NBEA: variants seen among roughly 807,000 people sequenced by gnomAD.
NBEA encodes lysosomal-trafficking regulator 2.
NBEA carries 44 observed loss-of-function variants against 343.4 expected under a neutral mutation model. The ratio of observed to expected loss-of-function variants is 0.13; its 90% confidence interval spans 0.10 to 0.16. The LOEUF (loss-of-function observed/expected upper bound fraction) is 0.16. NBEA is among the 10% of genes least tolerant of loss of function. The probability of loss-of-function intolerance (pLI) is 1.00; values close to 1 mark genes in which losing one functional copy is unlikely to be tolerated. For synonymous variants in NBEA, 1,175 were observed against 1,238.7 expected, an observed-to-expected ratio of 0.95 and a Z score of 1.08; for missense variants, 2,555 against 3,631.3, an observed-to-expected ratio of 0.70 and a Z score of 7.62.
chr13:35,406,526 C>T (rs1452126629), intron 38 of NBEA, among the ~76,000 whole-genome samples: 1 of 152,138 alleles, frequency 6.6e-6, no homozygotes, highest in East Asian at 1.9e-4. Context: ...CATAGCTCGT[C>T]TCCCACTTAC....
chr13:35,276,310 G>T (rs2034585906), intron 34 of NBEA, among the ~76,000 whole-genome samples: 1 of 151,860 alleles, frequency 6.6e-6, no homozygotes, highest in Non-Finnish European at 1.5e-5. Flanking sequence ...CAAAAAAAAA[G>T]AGGCTATGTT....
chr13:35,668,681 T>C (rs2153088733), intron 58 of NBEA, among the ~76,000 whole-genome samples, 162 bp downstream of exon 58: 1 of 151,850 alleles, frequency 6.6e-6, no homozygotes, highest in East Asian at 1.9e-4. Flanking sequence ...AGGATTCTAG[T>C]GAGAGGGAAA....
intron 34 of NBEA, among the ~76,000 whole-genome samples, chr13:35,286,532 T>TTC (rs2035436317): frequency 6.6e-6 from 1 of 152,112 alleles, no homozygotes; most frequent in South Asian, 2.1e-4. Context: ...GATGGAATTT[T>TTC]TCAACGGTAT....
chr13:35,127,238 G>A (rs1269751013), intron 17 of NBEA, among the ~76,000 whole-genome samples: 6 of 152,092 alleles, frequency 3.9e-5, no homozygotes, highest in Non-Finnish European at 8.8e-5. Context: ...ATAATTAAAT[G>A]AAGAAAGTGG....
At chr13:35,418,707 CT>C (rs1287022104) in intron 38 of NBEA, among the ~76,000 whole-genome samples, 15 of 151,852 alleles carry the variant, frequency 9.9e-5, no homozygotes, top group African/African-American at 3.6e-4. Flanking sequence ...GAACATAAGC[CT>C]TTTTTGAACA....
At chr13:35,376,656 A>G (rs2041757986) in intron 38 of NBEA, among the ~76,000 whole-genome samples, 1 of 152,250 alleles carries the variant, frequency 6.6e-6, no homozygotes, top group East Asian at 1.9e-4. Flanking sequence ...CCGGAGTCTT[A>G]GGGTGAAACT....
At chr13:35,411,473 T>C (rs1398328772) in intron 38 of NBEA, among the ~76,000 whole-genome samples, 1 of 151,934 alleles carries the variant, frequency 6.6e-6, no homozygotes, top group African/African-American at 2.4e-5. Flanking sequence ...TTTTTTTTTT[T>C]TGAGACAGAG....
At chr13:35,287,367 T>G (rs2035497194) in intron 34 of NBEA, among the ~76,000 whole-genome samples, 1 of 152,086 alleles carries the variant, frequency 6.6e-6, no homozygotes, top group Admixed American at 6.6e-5. Context: ...AGAATAGGAA[T>G]GCTATAAACA....
chr13:35,218,501 C>G (rs2074188679), intron 33 of NBEA, among the ~76,000 whole-genome samples: 1 of 151,880 alleles, frequency 6.6e-6, no homozygotes, highest in Non-Finnish European at 1.5e-5. Flanking sequence ...ATTTCTTTTT[C>G]TGAACTTACA....
intron 11 of NBEA, among the ~76,000 whole-genome samples, chr13:35,099,200 T>TG (rs2065500744): frequency 7.1e-6 from 1 of 140,986 alleles, no homozygotes; most frequent in African/African-American, 2.5e-5. Context: ...TGGCTAAAGT[T>TG]TTTTTTTTTT....
chr13:35,636,442 AT>A (rs1458655141), intron 49 of NBEA, among the ~76,000 whole-genome samples: 7 of 152,176 alleles, frequency 4.6e-5, no homozygotes, highest in Non-Finnish European at 1.0e-4. Context: ...TATGATTTCA[AT>A]TTGGAATATT....
Position 34,942,906 on chromosome 13 carries a change from GCGGGGGCAGCGGTGGTGGCGGCAC to G in NBEA, c.99_122del (p.Gly34_Gly41del), listed in dbSNP as rs777552196. On this transcript the variant is annotated inframe_deletion, in exon 1 of 59. Transcript: ENST00000379939. ...GCCGTCGGGGCCGCTGGCGGAGGCG[GCGGGGGCAGCGGTGGTGGCGGCAC>G]CGGGGGCAGCGGGATGGGGGAGCTA... is the stretch of plus-strand genomic sequence containing the variant. The G allele has an allele frequency of 8.9e-5, 132 of 1,483,832 alleles. No homozygotes were observed. Among genetic ancestry groups the G allele is most frequent in the Middle Eastern group, 4.8e-4 (2 of 4,134 alleles). 91.9% of individuals were successfully genotyped at this position (1,483,832 alleles called of 1,614,324 possible).
intron 41 of NBEA, among the ~76,000 whole-genome samples, chr13:35,519,860 A>G (rs985318149): frequency 2.0e-5 from 3 of 152,204 alleles, no homozygotes; most frequent in South Asian, 2.1e-4. Flanking sequence ...ATTGAACACT[A>G]GAACTTATTC....
chr13:35,475,950 G>A (rs1391211678), intron 41 of NBEA: 3 of 1,614,152 alleles, frequency 1.9e-6, no homozygotes, highest in Middle Eastern at 1.6e-4. Context: ...CGAGGCCCTC[G>A]TAGCGATTGT....
At chr13:35,143,905 A>C (rs958966798) in intron 18 of NBEA, among the ~76,000 whole-genome samples, 12 of 138,050 alleles carry the variant, frequency 8.7e-5, no homozygotes, top group African/African-American at 3.0e-4. Context: ...AAAAAAAACA[A>C]AAAAAAAAAC....
chr13:35,586,041 G>T (rs1447098467), intron 46 of NBEA, among the ~76,000 whole-genome samples: 1 of 152,130 alleles, frequency 6.6e-6, no homozygotes, highest in East Asian at 1.9e-4. Flanking sequence ...ATTGTAGAAT[G>T]CTAAATTAAA....
At chr13:35,375,074 A>G (rs1347646897) in intron 38 of NBEA, among the ~76,000 whole-genome samples, 1 of 152,110 alleles carries the variant, frequency 6.6e-6, no homozygotes, top group Non-Finnish European at 1.5e-5. Flanking sequence ...TTTTTTATTT[A>G]TTAAAATTAG....
At chr13:35,010,769 T>TATATACACATATAC (rs1172952662) in intron 1 of NBEA, among the ~76,000 whole-genome samples, 15 of 102,598 alleles carry the variant, frequency 1.5e-4, no homozygotes, top group African/African-American at 5.2e-4. Context: ...TATATATATA[T>TATATACACATATAC]ATATATATAT....
At chr13:35,070,390 T>C (rs1164579687) in intron 9 of NBEA, among the ~76,000 whole-genome samples, 1 of 152,140 alleles carries the variant, frequency 6.6e-6, no homozygotes, top group African/African-American at 2.4e-5. Context: ...TATAAAAACA[T>C]ACTTTGCTTT....
Sources: gnomAD v4.1 joint callset for allele counts (sites outside exome capture counted in the v4.1 genomes callset) on GRCh38, gnomAD v4.1.1 for gene constraint, MANE v1.5 for transcripts, NCBI Gene and HGNC (gene_info 2026-07-23, HGNC 2026-07-21) for gene names.